ATXN1: variants seen among roughly 807,000 people sequenced by gnomAD.
The protein encoded by ATXN1 is ataxin 1, also known as ataxin-1.
Under a neutral mutation model 56.4 loss-of-function variants are expected in ATXN1, and 8 were observed. The ratio of observed to expected loss-of-function variants is 0.14; its 90% confidence interval spans 0.08 to 0.26. The LOEUF (loss-of-function observed/expected upper bound fraction) is 0.26, where lower values mean the gene tolerates loss of function less well. ATXN1 is among the 10% of genes least tolerant of loss of function. ATXN1 has a pLI of 1.00. For synonymous variants in ATXN1, 514 were observed against 494.6 expected, an observed-to-expected ratio of 1.04 and a Z score of -0.52; for missense variants, 987 against 1,106.5, an observed-to-expected ratio of 0.89 and a Z score of 1.53.
intron 6 of ATXN1, among the ~76,000 whole-genome samples, chr6:16,453,455 C>T (rs188838366): frequency 2.8e-4 from 42 of 151,942 alleles, no homozygotes; most frequent in African/African-American, 9.4e-4. Flanking sequence ...AGTGAGACTC[C>T]GTCTCAAAAA....
At chr6:16,683,441 G>A (rs10484365) in intron 2 of ATXN1, among the ~76,000 whole-genome samples, 12,893 of 152,180 alleles carry the variant, frequency 0.085, 623 homozygotes, top group Admixed American at 0.14. Context: ...TGTTAACTAC[G>A]CTGCAGAAAC....
At chr6:16,619,002 A>C (rs1442618879) in intron 3 of ATXN1, among the ~76,000 whole-genome samples, 1 of 152,206 alleles carries the variant, frequency 6.6e-6, no homozygotes, top group Middle Eastern at 3.2e-3. Context: ...AATTTAAAAA[A>C]GAAATGTAAA....
chr6:16,531,118 G>C (rs1469602407), intron 4 of ATXN1, among the ~76,000 whole-genome samples: 2 of 152,198 alleles, frequency 1.3e-5, no homozygotes, highest in African/African-American at 4.8e-5. Flanking sequence ...TAGCAAAGCT[G>C]CATCTCTGAC....
At chr6:16,319,110 A>G (rs1289201341) in intron 7 of ATXN1, among the ~76,000 whole-genome samples, 1 of 151,872 alleles carries the variant, frequency 6.6e-6, no homozygotes, top group African/African-American at 2.4e-5. Flanking sequence ...CCCTGTTCCT[A>G]GGGAGGCTGA....
rs1371275660 is a variant in ATXN1 at position 16,579,929 on chromosome 6, A to T, written c.-361+5851T>A. Among the ~76,000 whole-genome samples, 5 of 152,318 alleles carry T rather than the reference A, an allele frequency of 3.3e-5. No homozygotes were observed. The East Asian group carries it at 9.6e-4, about 29-fold the overall frequency. On this transcript the variant is annotated intron_variant, in intron 4 of 7. Coordinates refer to ENST00000436367, the MANE Select transcript of ATXN1 (RefSeq NM_001128164.2). ...CATATAATTGCCAACTCAAAAAAAA[A>T]CTACCTTCCCAAATTTTACTAAAAC... is the stretch of plus-strand genomic sequence containing the variant.
chr6:16,327,446 C>A lies in ATXN1; in HGVS notation c.865G>T (p.Val289Phe). The change falls in exon 7 of 8, where the codon GTC becomes TTC. Residue 289 changes from valine to phenylalanine, a missense_variant. Val to Phe is a conservative substitution (Grantham distance 50). Transcript: ENST00000436367. ...CCGGAGTCGGCGTATTGCATGACGA[C>A]CTGGGAGGGGGGCCCCAGGGTGAGC... ...HTLTLGPPSQ[V>F]VMQYADSGSH... is the part of the protein sequence containing the mutation. 2 of 1,613,652 alleles carry A rather than the reference C, an allele frequency of 1.2e-6. No homozygotes were observed. Among genetic ancestry groups the A allele is most frequent in the Non-Finnish European group, 1.7e-6 (2 of 1,179,978 alleles).
intron 4 of ATXN1, among the ~76,000 whole-genome samples, chr6:16,550,396 T>C (rs1761899002): frequency 6.6e-6 from 1 of 152,152 alleles, no homozygotes; most frequent in Admixed American, 6.5e-5. Context: ...TCTTCTTTCA[T>C]CCCTTGTATA....
At chr6:16,598,913 A>G (rs1382031730) in intron 3 of ATXN1, among the ~76,000 whole-genome samples, 2 of 152,232 alleles carry the variant, frequency 1.3e-5, no homozygotes, top group African/African-American at 2.4e-5. Flanking sequence ...CTTGGTGTCC[A>G]GCTGAAAAGA....
chr6:16,569,152 T>C (rs892960197), intron 4 of ATXN1, among the ~76,000 whole-genome samples: 6 of 152,164 alleles, frequency 3.9e-5, no homozygotes, highest in African/African-American at 1.4e-4. Context: ...GAGCCACACA[T>C]GACTGCCTGC....
chr6:16,348,068 G>T (rs1313479235), intron 6 of ATXN1, among the ~76,000 whole-genome samples: 1 of 152,130 alleles, frequency 6.6e-6, no homozygotes, highest in Non-Finnish European at 1.5e-5. Context: ...CACCGCAAGG[G>T]TCCACGGCTT....
chr6:16,653,001 G>A (rs1027277862), intron 3 of ATXN1: 7 of 152,134 alleles, frequency 4.6e-5, no homozygotes, highest in Non-Finnish European at 1.0e-4. Context: ...ACTGAACTAA[G>A]CAACAGCCAA....
intron 3 of ATXN1, among the ~76,000 whole-genome samples, chr6:16,635,841 C>A (rs1362350500): frequency 1.3e-5 from 2 of 150,136 alleles, no homozygotes; most frequent in East Asian, 2.0e-4. Context: ...AGGCAGGCAA[C>A]CCCGCACAGC....
intron 6 of ATXN1, among the ~76,000 whole-genome samples, chr6:16,443,977 G>A (rs369739804): frequency 7.2e-5 from 11 of 152,026 alleles, no homozygotes; most frequent in South Asian, 2.1e-4. Context: ...TTAGCCAGGC[G>A]TGGTGGCGGG....
At chr6:16,317,158 T>C (rs959698141) in intron 7 of ATXN1, among the ~76,000 whole-genome samples, 8 of 152,134 alleles carry the variant, frequency 5.3e-5, no homozygotes, top group African/African-American at 1.9e-4. Context: ...TGGTTTCTGA[T>C]TAAATCCCAA....
intron 6 of ATXN1, among the ~76,000 whole-genome samples, chr6:16,401,798 T>A (rs1367532171): frequency 1.3e-5 from 2 of 152,244 alleles, no homozygotes; most frequent in South Asian, 4.1e-4. Context: ...GTTTCTTAAA[T>A]CTCAGGCTGC....
At chr6:16,617,047 A>G (rs1164999919) in intron 3 of ATXN1, among the ~76,000 whole-genome samples, 2 of 152,152 alleles carry the variant, frequency 1.3e-5, no homozygotes, top group African/African-American at 4.8e-5. Context: ...AACACAATCT[A>G]TATAGGGTTT....
intron 6 of ATXN1, among the ~76,000 whole-genome samples, chr6:16,401,704 A>C (rs1209148625): frequency 6.6e-6 from 1 of 152,228 alleles, no homozygotes; most frequent in Admixed American, 6.5e-5. Context: ...AGCAGTTACA[A>C]CAAAAGTACT....
chr6:16,687,931 C>T (rs796261118), intron 2 of ATXN1, among the ~76,000 whole-genome samples: 8 of 152,264 alleles, frequency 5.3e-5, no homozygotes, highest in East Asian at 3.9e-4. Flanking sequence ...CATAAAGAAA[C>T]TATACTTTCA....
intron 5 of ATXN1, among the ~76,000 whole-genome samples, chr6:16,496,446 T>A (rs1179447571): frequency 6.6e-6 from 1 of 152,144 alleles, no homozygotes; most frequent in Non-Finnish European, 1.5e-5. Context: ...TGATACCATA[T>A]TTGGAGCACA....
Sources: gnomAD v4.1 joint callset for allele counts (sites outside exome capture counted in the v4.1 genomes callset) on GRCh38, gnomAD v4.1.1 for gene constraint, MANE v1.5 for transcripts, NCBI Gene and HGNC (gene_info 2026-07-23, HGNC 2026-07-21) for gene names.